The following INPP5D variants were observed in gnomAD, a reference collection of about 807,000 sequenced individuals.
INPP5D encodes the protein inositol polyphosphate-5-phosphatase D, also known as phosphatidylinositol 3,4,5-trisphosphate 5-phosphatase 1.
In INPP5D, 33 loss-of-function variants were observed where a neutral mutation model predicts 122.9. The ratio of observed to expected loss-of-function variants is 0.27; its 90% CI spans 0.20 to 0.36. The LOEUF is 0.36. INPP5D is among the 10% of genes least tolerant of loss of function. INPP5D has a pLI of 1.00. For missense variants in INPP5D, 1,053 were observed against 1,412.7 expected (o/e 0.75, Z 4.08); for synonymous variants, 584 against 576.2 (o/e 1.01, Z -0.19).
chr2:233,072,666 A>G (rs1226791522), intron 1 of INPP5D, among the ~76,000 whole-genome samples: 2 of 152,118 alleles, frequency 1.3e-5, no homozygotes, highest in South Asian at 2.1e-4. Context: ...CTTGTTTTCT[A>G]TTTCCTCCCA....
chr2:233,111,591 C>T (rs368699001), intron 2 of INPP5D, among the ~76,000 whole-genome samples: 3 of 152,182 alleles, frequency 2.0e-5, no homozygotes, highest in East Asian at 3.8e-4. Flanking sequence ...TGACATGGCC[C>T]GGATTCTGCG....
At position 233,160,940 on chromosome 2, in the gene INPP5D, G is replaced by A. The variant is rs1194088372; in HGVS notation, c.1138-784G>A. 1.3e-5 allele frequency among the ~76,000 whole-genome samples: 2 copies of A among 151,586 alleles called. No homozygotes were observed. The highest frequency in any genetic ancestry group is 1.5e-5 in the Non-Finnish European group (1 of 67,896). On this transcript the variant is annotated intron_variant, in intron 10 of 26. Transcript: ENST00000445964. This position sits in a 1 kb window ranked among gnomAD's most constrained non-coding sequence, Gnocchi z 4.2. ...ATGAGCCACTGTGCCAGGCCCAAAT[G>A]TTTTATTAAAAATGCAATGATGCTA...
chr2:233,094,510 CCCAAAAAAAAAAAAAAA>C (rs1470691454), intron 2 of INPP5D, among the ~76,000 whole-genome samples: 2 of 27,786 alleles, frequency 7.2e-5, no homozygotes, highest in African/African-American at 1.2e-4. Flanking sequence ...AAGACTCCAT[CCCAAAAAAAAAAAAAAA>C]AAAAAAAAAA....
At chr2:233,157,660 G>C (rs1574772555) in intron 9 of INPP5D, among the ~76,000 whole-genome samples, 3 of 3,254 alleles carry the variant, frequency 9.2e-4, no homozygotes, top group South Asian at 0.083. Flanking sequence ...GTGTGTGAAA[G>C]AAATTTCAAC....
In INPP5D at chr2:233,125,869, G is replaced by A. The variant is rs768572195; in HGVS notation, c.474G>A (p.Pro158=). 3 of 1,613,892 alleles carry A rather than the reference G, an allele frequency of 1.9e-6. No homozygotes were observed. The highest frequency in any genetic ancestry group is 4.5e-5 in the East Asian group (2 of 44,876). Residue 158 remains proline (P), a synonymous_variant, in exon 4 of 27, where the codon CCG becomes CCA. Transcript: ENST00000445964. ...CCCGAGCGACCGAGACCAGCCGGCC[G>A]AGCCTCTCCGAGACATTGTTCCAGC... ...ENPRATETSR[P]SLSETLFQRL...
intron 3 of INPP5D, 145 bp downstream of exon 3, chr2:233,122,402 T>A: frequency 1.2e-6 from 1 of 860,702 alleles, no homozygotes; most frequent in Non-Finnish European, 1.7e-6. Flanking sequence ...ACACAGGCTC[T>A]CTGGTCAGGC....
intron 25 of INPP5D, among the ~76,000 whole-genome samples, chr2:233,202,874 T>C (rs887493708): frequency 2.0e-5 from 3 of 152,206 alleles, no homozygotes; most frequent in Non-Finnish European, 2.9e-5. Flanking sequence ...GAGCTTCCCC[T>C]GCCCATGAGT....
At chr2:233,123,193 C>A (rs1241825253) in intron 3 of INPP5D, among the ~76,000 whole-genome samples, 1 of 152,156 alleles carries the variant, frequency 6.6e-6, no homozygotes, top group Admixed American at 6.5e-5. Flanking sequence ...CAGTGGCTCA[C>A]GCCTGTAATC....
At chr2:233,146,686 C>T (rs1342158795) in intron 8 of INPP5D, among the ~76,000 whole-genome samples, 3 of 152,148 alleles carry the variant, frequency 2.0e-5, no homozygotes, top group Admixed American at 6.5e-5. Flanking sequence ...CTCATTGGGC[C>T]AGGCACCATG....
At chr2:233,130,425 G>C in intron 4 of INPP5D, 83 bp from the exon 5 acceptor site, 1 of 1,452,156 alleles carries the variant, frequency 6.9e-7, no homozygotes, top group Admixed American at 2.1e-5. Flanking sequence ...ATGAGGATTT[G>C]TTATTGTGGT....
At position 233,145,925 on chromosome 2, in the gene INPP5D, C is replaced by G. The variant is rs560044506; in HGVS notation, c.754-237C>G. Reference sequence around the variant, plus strand: ...ACGGAGTGGGTGAGGTGAGAAGCACCGGGGGAGAGGCAGATTTACAGGGAA... The same window carrying G: ...ACGGAGTGGGTGAGGTGAGAAGCACGGGGGGAGAGGCAGATTTACAGGGAA... On this transcript the variant is annotated intron_variant, in intron 6 of 26. Coordinates refer to ENST00000445964, the MANE Select transcript of INPP5D (RefSeq NM_001017915.3). 9.0e-6 allele frequency: 6 copies of G among 664,226 alleles called. 1 individual carries two copies. The highest frequency in any genetic ancestry group is 1.7e-5 in the Non-Finnish European group (6 of 360,698). The allele number at this position is 664,226 out of a possible 1,614,324, so 41.1% of individuals were successfully genotyped here.
chr2:233,121,122 T>TTTC (rs1491340717), intron 2 of INPP5D, among the ~76,000 whole-genome samples: 1,021 of 64,446 alleles, frequency 0.016, 3 homozygotes, highest in African/African-American at 0.063. Flanking sequence ...TCTTTCTTTC[T>TTTC]TTTTTTTTTT....
chr2:233,131,534 T>TAAAAAAAAAAAA (rs754526793), intron 5 of INPP5D, among the ~76,000 whole-genome samples: 31 of 134,334 alleles, frequency 2.3e-4, no homozygotes, highest in African/African-American at 8.0e-4. Flanking sequence ...CTGTCTCTAC[T>TAAAAAAAAAAAA]AAAAAAAAAA....
chr2:233,070,156 A>T (rs1349747407), intron 1 of INPP5D, among the ~76,000 whole-genome samples: 2 of 152,188 alleles, frequency 1.3e-5, no homozygotes, highest in Non-Finnish European at 2.9e-5. Flanking sequence ...CCATTTTTCT[A>T]TCGAAGCTAT....
chr2:233,185,694 A>G lies in INPP5D; in HGVS notation c.2276-149A>G. 4.0e-6 allele frequency: 4 copies of G among 1,009,146 alleles called. No individual in the cohort carries two copies. In the South Asian group the frequency reaches 1.3e-4, roughly 33 times the overall value. The allele number at this position is 1,009,146 out of a possible 1,614,324, so 62.5% of individuals were successfully genotyped here. A position where few individuals can be genotyped will look rare whatever the true frequency, so the allele number is the denominator to read the frequency against. On this transcript the variant is annotated intron_variant, in intron 20 of 26. Transcript: ENST00000445964. ...AATCCCCGGCAGGCCTGACTCCTAA[A>G]TGATGCTGAGGCCCCGAGATAAAAA...
At position 233,100,830 on chromosome 2, in the gene INPP5D, A is replaced by G. The variant is rs1441305935; in HGVS notation, c.199-21277A>G. Among the ~76,000 whole-genome samples, 2 of 152,010 alleles carry G rather than the reference A, an allele frequency of 1.3e-5. No homozygotes were observed. ...GCTCACTTTTGTCACTGCACTTGCC[A>G]CCCAGAACACTGTTACTGTCCCTTT... On this transcript the variant is annotated intron_variant, in intron 2 of 26. Coordinates refer to ENST00000445964, the MANE Select transcript of INPP5D (RefSeq NM_001017915.3). The surrounding 1 kb of genome is among the most constrained non-coding windows in gnomAD (Gnocchi z 5.3).
intron 2 of INPP5D, among the ~76,000 whole-genome samples, chr2:233,118,577 G>C (rs1342033725): frequency 2.0e-5 from 3 of 152,196 alleles, no homozygotes; most frequent in African/African-American, 2.4e-5. Context: ...CATTTTCTCC[G>C]GGGACACCTG....
intron 2 of INPP5D, among the ~76,000 whole-genome samples, chr2:233,104,668 G>T (rs765086113): frequency 9.2e-5 from 14 of 152,112 alleles, no homozygotes; most frequent in Non-Finnish European, 1.6e-4. Flanking sequence ...AAAGTTGGGG[G>T]GTCCAAATTC....
chr2:233,184,276 G>A lies in INPP5D; in HGVS notation c.2162-132G>A, dbSNP rs1312006610. On this transcript the variant is annotated intron_variant, in intron 19 of 26. Coordinates refer to ENST00000445964, the MANE Select transcript of INPP5D (RefSeq NM_001017915.3). Reference sequence around the variant, plus strand: ...GGTGCTGGATTTCGCTGTAGCTTTAGTTCTCCTCCCACTAGACTCCCACCT... The same window carrying A: ...GGTGCTGGATTTCGCTGTAGCTTTAATTCTCCTCCCACTAGACTCCCACCT... The A allele has an allele frequency of 3.0e-6, 4 of 1,317,086 alleles. No individual in the cohort carries two copies. The African/African-American group carries it at 4.4e-5, about 15-fold the overall frequency. The allele number at this position is 1,317,086 out of a possible 1,614,324, so 81.6% of individuals were successfully genotyped here. A position where few individuals can be genotyped will look rare whatever the true frequency, so the allele number is the denominator to read the frequency against.
Sources: allele counts gnomAD v4.1 joint callset (sites outside exome capture counted in the v4.1 genomes callset), GRCh38; gene constraint gnomAD v4.1.1; non-coding constraint Gnocchi (gnomAD v3.1); transcripts MANE v1.5; gene names NCBI Gene and HGNC (gene_info 2026-07-23, HGNC 2026-07-21).